CSMD2: variants seen among roughly 807,000 people sequenced by gnomAD.
CSMD2 encodes the protein CUB and sushi domain-containing protein 2.
CSMD2 carries 130 observed loss-of-function variants against 398.5 expected under a neutral mutation model. The ratio of observed to expected loss-of-function variants is 0.33; its 90% CI spans 0.28 to 0.38. The LOEUF (loss-of-function observed/expected upper bound fraction) is 0.38. Ranked by LOEUF, CSMD2 falls within the 10% of genes least tolerant of loss-of-function variation. The pLI, the probability that CSMD2 is intolerant of heterozygous loss-of-function variation, is 1.00. For missense variants in CSMD2, 3,829 were observed against 4,764.9 expected, an observed-to-expected ratio of 0.80 and a Z score of 5.78; for synonymous variants, 1,828 against 1,908.5, an observed-to-expected ratio of 0.96 and a Z score of 1.10.
rs1008367445 is a variant in CSMD2 at position 34,135,417 on chromosome 1, G to A, written c.187+29494C>T. ...GGGTGGATCATGAGGTCAACAGATC[G>A]AGACCATCTTGACCAACATGGTGAA... On this transcript the variant is annotated intron_variant, in intron 1 of 70. Coordinates refer to ENST00000373381, the MANE Select transcript of CSMD2 (RefSeq NM_001281956.2). 4.0e-5 allele frequency among the ~76,000 whole-genome samples: 6 copies of A among 151,838 alleles called. No individual in the cohort carries two copies. The South Asian group carries it at 1.0e-3, about 26-fold the overall frequency.
At chr1:34,094,673 T>G (rs1285180374) in intron 1 of CSMD2, among the ~76,000 whole-genome samples, 1 of 152,196 alleles carries the variant, frequency 6.6e-6, no homozygotes, top group African/African-American at 2.4e-5. Flanking sequence ...GGCCATTACA[T>G]GATGGTAAAG....
intron 4 of CSMD2, among the ~76,000 whole-genome samples, chr1:33,932,432 T>A (rs1313064775): frequency 2.6e-5 from 4 of 152,044 alleles, no homozygotes; most frequent in Non-Finnish European, 5.9e-5. Context: ...GAAAGAATCA[T>A]CATCATTTCA....
At chr1:34,117,648 C>G (rs575275166) in intron 1 of CSMD2, among the ~76,000 whole-genome samples, 7 of 144,130 alleles carry the variant, frequency 4.9e-5, no homozygotes, top group African/African-American at 1.5e-4. Context: ...AAAGATACTA[C>G]AAAAAAAAAA....
intron 3 of CSMD2, among the ~76,000 whole-genome samples, chr1:34,017,786 C>T (rs548808552): frequency 6.6e-6 from 1 of 152,272 alleles, no homozygotes; most frequent in Non-Finnish European, 1.5e-5. Flanking sequence ...CTGATCAATG[C>T]TTTATTACAT....
chr1:33,633,273 G>C lies in CSMD2; in HGVS notation c.5200+149C>G. ...TTGGAGCTCTCACGAGCTGGCTGCTGCGTTGTAGACAAGCACCAGAACACG... is the reference window on the plus strand; with the variant it reads ...TTGGAGCTCTCACGAGCTGGCTGCTCCGTTGTAGACAAGCACCAGAACACG... On this transcript the variant is annotated intron_variant, in intron 32 of 70. Coordinates refer to ENST00000373381, the MANE Select transcript of CSMD2 (RefSeq NM_001281956.2). This position sits in a 1 kb window ranked among gnomAD's most constrained non-coding sequence, Gnocchi z 5.0. The C allele has an allele frequency of 1.5e-6, 1 of 647,680 alleles. No individual in the cohort carries two copies. Among genetic ancestry groups the C allele is most frequent in the Non-Finnish European group, 2.7e-6 (1 of 363,788 alleles). 40.1% of individuals were successfully genotyped at this position (647,680 alleles called of 1,614,324 possible). A position where few individuals can be genotyped will look rare whatever the true frequency, so the allele number is the denominator to read the frequency against.
At chr1:33,889,481 G>A (rs1179885529) in intron 5 of CSMD2, among the ~76,000 whole-genome samples, 1 of 152,132 alleles carries the variant, frequency 6.6e-6, no homozygotes, top group African/African-American at 2.4e-5. Context: ...CTTTAGCAGA[G>A]TCTAAATTTA....
chr1:33,527,380 A>T, intron 64 of CSMD2, 122 bp from the exon 65 acceptor site: 1 of 712,446 alleles, frequency 1.4e-6, no homozygotes. Context: ...CTTTCCCCTT[A>T]TTTTTTTTAG....
chr1:33,638,180 G>A (rs1276117290), intron 29 of CSMD2, among the ~76,000 whole-genome samples: 4 of 152,136 alleles, frequency 2.6e-5, no homozygotes, highest in Non-Finnish European at 4.4e-5. Flanking sequence ...CATGTGCCCC[G>A]TGATGCATTG....
chr1:33,820,420 A>G, intron 8 of CSMD2, 49 bp downstream of exon 8: 1 of 1,289,532 alleles, frequency 7.8e-7, no homozygotes, highest in South Asian at 1.2e-5. Flanking sequence ...CCTCCCAGCC[A>G]GGCCACCCCA....
chr1:33,964,427 T>C (rs1008539343), intron 3 of CSMD2, among the ~76,000 whole-genome samples: 2 of 152,200 alleles, frequency 1.3e-5, no homozygotes, highest in Non-Finnish European at 2.9e-5. Flanking sequence ...CAGTAAAACG[T>C]GCTTGGCACA....
Position 34,011,505 on chromosome 1 carries a change from C to T in CSMD2, c.517+21089G>A, listed in dbSNP as rs562565582. ...TCCATTCTTTCCCCACCCTAGTTCC[C>T]GGGGCCTCTCCACCAGTTTTGTTTA... On this transcript the variant is annotated intron_variant, in intron 3 of 70. Transcript: ENST00000373381. Among the ~76,000 whole-genome samples, 10 of 152,246 alleles carry T rather than the reference C, an allele frequency of 6.6e-5. No individual in the cohort carries two copies. In the East Asian group the frequency reaches 9.7e-4, roughly 15 times the overall value.
At position 33,550,290 on chromosome 1, in the gene CSMD2, G is replaced by A; in HGVS notation, c.8804C>T (p.Thr2935Ile). ...GCTGTACCGCACCACTGCTCCCACA[G>A]TATAACTGTCTCCAGACATCTGGGA... ...PHSQMSGDSYTVGAVVRYSCI... is the reference protein window; with the variant it reads ...PHSQMSGDSYIVGAVVRYSCI... The change falls in exon 56 of 71, where the codon ACT (threonine) becomes ATT (isoleucine). Residue 2935 changes from threonine to isoleucine, a missense_variant. Thr to Ile is a moderately conservative substitution (Grantham distance 89). Transcript: ENST00000373381. The A allele has an allele frequency of 6.2e-7, 1 of 1,614,214 alleles. No individual in the cohort carries two copies. The highest frequency in any genetic ancestry group is 1.7e-5 in the Admixed American group (1 of 60,030).
chr1:33,571,700 T>A lies in CSMD2; in HGVS notation c.7789A>T (p.Ile2597Phe), dbSNP rs1659614018. 1 of 1,535,872 alleles carries A rather than the reference T, an allele frequency of 6.5e-7. No individual in the cohort carries two copies. Among genetic ancestry groups the A allele is most frequent in the East Asian group, 2.3e-5 (1 of 43,086 alleles). ...CTCCATCGGCCATGCTCCACGCTGATGCTACTGACATCAGGACAAGTCACA... is the reference window on the plus strand; with the variant it reads ...CTCCATCGGCCATGCTCCACGCTGAAGCTACTGACATCAGGACAAGTCACA... Reference protein sequence around the residue: ...VPVTCPDVSSISVEHGRWRLI... With the variant: ...VPVTCPDVSSFSVEHGRWRLI... Residue 2597 changes from isoleucine (I) to phenylalanine (F), a missense_variant, in exon 51 of 71, where the codon ATC becomes TTC. Around this residue, in one of 5 missense-constraint regions of CSMD2, gnomAD observed 723 missense variants for 758.6 expected, o/e 0.95. Transcript: ENST00000373381.
At chr1:33,666,062 G>A (rs576766080) in intron 25 of CSMD2, among the ~76,000 whole-genome samples, 14 of 152,126 alleles carry the variant, frequency 9.2e-5, no homozygotes, top group South Asian at 4.1e-4. Context: ...CCTTAGTTGC[G>A]GGCTGTTTCT....
At chr1:34,060,662 T>C (rs1372777278) in intron 2 of CSMD2, among the ~76,000 whole-genome samples, 1 of 152,010 alleles carries the variant, frequency 6.6e-6, no homozygotes, top group African/African-American at 2.4e-5. Flanking sequence ...TTTTTTTTTT[T>C]TTTCTTCTCT....
intron 19 of CSMD2, 112 bp from the exon 20 acceptor site, chr1:33,716,613 A>G (rs557996391): frequency 5.4e-6 from 4 of 738,130 alleles, no homozygotes; most frequent in Non-Finnish European, 6.9e-6. Flanking sequence ...ATCTGTGTGT[A>G]TGACTACAAG....
intron 4 of CSMD2, among the ~76,000 whole-genome samples, chr1:33,927,361 G>T (rs1396040323): frequency 6.6e-6 from 1 of 152,126 alleles, no homozygotes; most frequent in East Asian, 1.9e-4. Context: ...GCCACCTAAG[G>T]TATCCTTCTG....
In CSMD2 at chr1:33,580,916, G is replaced by A. The variant is rs1467251337; in HGVS notation, c.7241-17C>T. ...CTGATGGACCTGGGGTGAGAAGGAC[G>A]CAGGATTACAGACCATGGGAGCCAT... On this transcript the variant is annotated splice_polypyrimidine_tract_variant and intron_variant, in intron 47 of 70. Coordinates refer to ENST00000373381, the MANE Select transcript of CSMD2 (RefSeq NM_001281956.2). 7 of 1,613,274 alleles carry A rather than the reference G, an allele frequency of 4.3e-6. No homozygotes were observed. The highest frequency in any genetic ancestry group is 1.1e-5 in the South Asian group (1 of 90,960).
rs1557498534 is a variant in CSMD2 at position 33,537,118 on chromosome 1, C to T, written c.9806-23G>A. 1.9e-6 allele frequency: 3 copies of T among 1,613,670 alleles called. No homozygotes were observed. The highest frequency in any genetic ancestry group is 2.5e-6 in the Non-Finnish European group (3 of 1,179,596). The stretch of plus-strand genomic sequence containing the variant: ...GATCTGGATGGCCAAAACAAAGACA[C>T]AGATCACATGGTCATGGAAGCCTTC... On this transcript the variant is annotated intron_variant, in intron 61 of 70. Transcript: ENST00000373381. The surrounding 1 kb of genome is among the most constrained non-coding windows in gnomAD (Gnocchi z 4.6).
Sources: allele counts gnomAD v4.1 joint callset (sites outside exome capture counted in the v4.1 genomes callset), GRCh38; gene constraint gnomAD v4.1.1; regional missense constraint gnomAD v4.1.1; non-coding constraint Gnocchi (gnomAD v3.1); transcripts MANE v1.5; gene names NCBI Gene and HGNC (gene_info 2026-07-23, HGNC 2026-07-21).